Variants in CCDC14 observed in about 807,000 individuals in gnomAD.
CCDC14 encodes the protein coiled-coil domain containing 14.
CCDC14 carries 71 observed loss-of-function variants against 81.4 expected under a neutral mutation model. The observed-to-expected ratio is 0.87, with a 90% CI of 0.72 to 1.06. The LOEUF (loss-of-function observed/expected upper bound fraction) is 1.06, where lower values mean the gene tolerates loss of function less well. CCDC14 is among the 50% of genes least tolerant of loss of function. The probability of loss-of-function intolerance (pLI) is 0.00; values close to 1 mark genes in which losing one functional copy is unlikely to be tolerated. For synonymous variants in CCDC14, 332 were observed against 364.8 expected, an observed-to-expected ratio of 0.91 and a Z score of 1.03; for missense variants, 1,046 against 1,047.3, an observed-to-expected ratio of 1.00 and a Z score of 0.02.
At chr3:123,903,922 G>A (rs1464864840) in intron 5 of CCDC14, among the ~76,000 whole-genome samples, 1 of 152,168 alleles carries the variant, frequency 6.6e-6, no homozygotes, top group African/African-American at 2.4e-5. Flanking sequence ...TTCTCTTGGA[G>A]AGAAGGGTCT....
chr3:123,937,523 A>C (rs2036115109), intron 9 of CCDC14, among the ~76,000 whole-genome samples: 2 of 151,958 alleles, frequency 1.3e-5, no homozygotes, highest in Admixed American at 1.3e-4. Context: ...TTGATATTTA[A>C]AAATTTATAC....
At chr3:123,921,873 C>T in intron 12 of CCDC14, among the ~76,000 whole-genome samples, 1 of 152,178 alleles carries the variant, frequency 6.6e-6, no homozygotes, top group Non-Finnish European at 1.5e-5. Flanking sequence ...TTGGTTTAGA[C>T]CAAATAGATC....
downstream of CCDC14, among the ~76,000 whole-genome samples, chr3:123,908,841 G>A (rs1344207538): frequency 1.3e-5 from 2 of 152,022 alleles, no homozygotes; most frequent in African/African-American, 4.8e-5. Context: ...TCACTGCTCC[G>A]AATTGTGAAG....
chr3:123,908,641 T>C (rs2034376177), downstream of CCDC14, among the ~76,000 whole-genome samples: 1 of 152,164 alleles, frequency 6.6e-6, no homozygotes, highest in Non-Finnish European at 1.5e-5. Context: ...TCATACCCTT[T>C]CTGGGTATGT....
chr3:123,934,320 C>G (rs918792346), intron 9 of CCDC14, among the ~76,000 whole-genome samples: 1 of 132,694 alleles, frequency 7.5e-6, no homozygotes. Context: ...GTGTTAATTT[C>G]TCTTTTTTGT....
the CCDC14 span, among the ~76,000 whole-genome samples, chr3:123,891,717 C>T: frequency 1.6e-4 from 25 of 152,348 alleles, no homozygotes; most frequent in East Asian, 4.4e-3. Flanking sequence ...CCCACATTTT[C>T]CTGTCTTCTT....
intron 5 of CCDC14, among the ~76,000 whole-genome samples, chr3:123,950,717 A>G (rs1256264153): frequency 6.6e-6 from 1 of 152,148 alleles, no homozygotes; most frequent in Non-Finnish European, 1.5e-5. Context: ...TGGTGGCTAC[A>G]GGGGTGTATA....
chr3:123,931,600 TA>T (rs10573718), intron 10 of CCDC14, 74 bp from the exon 11 acceptor site: 312,062 of 525,760 alleles, frequency 0.59, 68,435 homozygotes, highest in Admixed American at 0.68. Context: ...ACCTGTTTCT[TA>T]AAAAAAAAAA....
At chr3:123,917,664 CT>C (rs1465435508) in intron 12 of CCDC14, among the ~76,000 whole-genome samples, 27 of 135,900 alleles carry the variant, frequency 2.0e-4, no homozygotes, top group Non-Finnish European at 3.1e-4. Flanking sequence ...TTTTTTTTTG[CT>C]TATCAAATTA....
At chr3:123,927,030 T>C in intron 12 of CCDC14, among the ~76,000 whole-genome samples, 1 of 152,094 alleles carries the variant, frequency 6.6e-6, no homozygotes, top group Non-Finnish European at 1.5e-5. Context: ...TTGAATTGCA[T>C]AGGGTGTCAT....
intron 12 of CCDC14, among the ~76,000 whole-genome samples, chr3:123,927,556 A>T (rs1175950062): frequency 1.3e-5 from 2 of 152,224 alleles, no homozygotes; most frequent in Admixed American, 6.5e-5. Flanking sequence ...TGTTTTTACA[A>T]TCATTCATAA....
At chr3:123,947,413 A>G in intron 7 of CCDC14, 94 bp from the exon 8 acceptor site, 1 of 813,758 alleles carries the variant, frequency 1.2e-6, no homozygotes, top group Non-Finnish European at 1.9e-6. Flanking sequence ...ATATTTATTA[A>G]AACATGTTTA....
chr3:123,944,750 A>C (rs1303155718), intron 9 of CCDC14, 99 bp downstream of exon 9: 18 of 799,670 alleles, frequency 2.3e-5, no homozygotes, highest in Admixed American at 3.4e-5. Flanking sequence ...ACAGCAAATA[A>C]ATTTTACTTA....
intron 5 of CCDC14, among the ~76,000 whole-genome samples, chr3:123,901,247 A>T (rs2034171473): frequency 7.3e-6 from 1 of 137,458 alleles, no homozygotes; most frequent in Non-Finnish European, 1.6e-5. Flanking sequence ...ATAAAAAAAT[A>T]AAAAAAAAAA....
At chr3:123,952,583 T>C (rs777997716) in intron 5 of CCDC14, 5 of 528,980 alleles carry the variant, frequency 9.5e-6, no homozygotes, top group East Asian at 1.1e-4. Context: ...GAATGCATCA[T>C]GGTGTGCTTA....
Position 123,914,988 on chromosome 3 carries a change from C to G in CCDC14, c.2509G>C (p.Gly837Arg). 6.2e-7 allele frequency: 1 copy of G among 1,613,996 alleles called. No individual in the cohort carries two copies. Among genetic ancestry groups the G allele is most frequent in the South Asian group, 1.1e-5 (1 of 91,064 alleles). The change falls in exon 13 of 13, where the codon GGT becomes CGT. Residue 837 changes from glycine to arginine, a missense_variant. Coordinates refer to ENST00000409697, the MANE Select transcript of CCDC14 (RefSeq NM_001366335.1). Reference sequence around the variant, plus strand: ...ACTTGAAGGCTGTTGCTAAGACAACCTGATGGGCCATGACATGCAGTTTGT... The same window carrying G: ...ACTTGAAGGCTGTTGCTAAGACAACGTGATGGGCCATGACATGCAGTTTGT... ...EEQTACHGPSGCLSNSLQVKG... is the reference protein window; with the variant it reads ...EEQTACHGPSRCLSNSLQVKG...
rs764437658 is a variant in CCDC14 at position 123,915,635 on chromosome 3, T to G, written c.1862A>C (p.Lys621Thr). The G allele has an allele frequency of 2.5e-6, 4 of 1,613,936 alleles. No individual in the cohort carries two copies. The highest frequency in any genetic ancestry group is 3.4e-6 in the Non-Finnish European group (4 of 1,179,916). ...ARCKPGNNLT[K>T]SLLNIHDKQL... ...TTTATCATGAATGTTCAAGAGTGATTTGGTAAGGTTATTCCCAGGCTTGCA... is the reference window on the plus strand; with the variant it reads ...TTTATCATGAATGTTCAAGAGTGATGTGGTAAGGTTATTCCCAGGCTTGCA... Residue 621 changes from lysine (K) to threonine (T), a missense_variant, in exon 13 of 13, where the codon AAA (lysine) becomes ACA (threonine). Lys to Thr is a moderately conservative substitution (Grantham distance 78). Coordinates refer to ENST00000409697, the MANE Select transcript of CCDC14 (RefSeq NM_001366335.1).
In CCDC14 at chr3:123,913,449, T is replaced by C; in HGVS notation, c.*1330A>G. On this transcript the variant is annotated 3_prime_UTR_variant, in exon 13 of 13. Transcript: ENST00000409697. Reference sequence around the variant, plus strand: ...TTTTTCCTTTTTTATTATTTTTTATTTCTGAACTTATTTGTTAAAGAGTTG... The same window carrying C: ...TTTTTCCTTTTTTATTATTTTTTATCTCTGAACTTATTTGTTAAAGAGTTG... 1 of 980,298 alleles carries C rather than the reference T, an allele frequency of 1.0e-6. No homozygotes were observed. The allele number at this position is 980,298 out of a possible 1,614,324, so 60.7% of individuals were successfully genotyped here.
rs72962720 is a variant in CCDC14 at position 123,898,208 on chromosome 3, A to G, written c.668-595T>C. 8.5e-3 allele frequency among the ~76,000 whole-genome samples: 1,291 copies of G among 152,302 alleles called. 12 individuals are homozygous for G. Among genetic ancestry groups the G allele is most frequent in the African/African-American group, 0.028 (1,152 of 41,560 alleles). On this transcript the variant is annotated intron_variant, in intron 5 of 5. Coordinates refer to the CCDC14 transcript ENST00000479903. The stretch of plus-strand genomic sequence containing the variant: ...TCTGGACCCGAATTTCCTAATTGTT[A>G]AAAAACAGATACAAGTGCGATAAAT...
Sources: gnomAD v4.1 joint callset for allele counts (sites outside exome capture counted in the v4.1 genomes callset) on GRCh38, gnomAD v4.1.1 for gene constraint, MANE v1.5 for transcripts, NCBI Gene and HGNC (gene_info 2026-07-23, HGNC 2026-07-21) for gene names.